The following BOD1 variants were observed in gnomAD, a reference collection of about 807,000 sequenced individuals.
The protein encoded by BOD1 is biorientation of chromosomes in cell division protein 1.
BOD1 carries 11 observed loss-of-function variants against 15.7 expected under a neutral mutation model. The observed-to-expected ratio is 0.70, with a 90% CI of 0.44 to 1.16. BOD1 has a LOEUF of 1.16. Among genes scored for constraint, BOD1 ranks in the 50% most tolerant of loss-of-function variants. BOD1 has a pLI of 0.00. For missense variants in BOD1, 182 were observed against 244.5 expected (o/e 0.74, Z 1.70); for synonymous variants, 105 against 103.5 (o/e 1.01, Z -0.09).
chr5:173,616,523 G>C lies in BOD1; in HGVS notation c.-87C>G. On this transcript the variant is annotated 5_prime_UTR_variant, in exon 1 of 4. Coordinates refer to ENST00000311086, the MANE Select transcript of BOD1 (RefSeq NM_138369.3). ...AGAACGTGTAGAGGTGGTGAAGGGG[G>C]CGGTGAAGGAGGAGGGCCCCAAGGC... 1 of 1,461,074 alleles carries C rather than the reference G, an allele frequency of 6.8e-7. No individual in the cohort carries two copies. Among genetic ancestry groups the C allele is most frequent in the African/African-American group, 1.5e-5 (1 of 67,916 alleles). 90.5% of individuals were successfully genotyped at this position (1,461,074 alleles called of 1,614,324 possible). A position where few individuals can be genotyped will look rare whatever the true frequency, so the allele number is the denominator to read the frequency against.
chr5:173,613,324 G>C, intron 1 of BOD1, 69 bp from the exon 2 acceptor site: 1 of 1,560,000 alleles, frequency 6.4e-7, no homozygotes, highest in Non-Finnish European at 8.8e-7. Flanking sequence ...TAGTCTCTCA[G>C]AACACTGCTT....
chr5:173,616,170 G>A (rs1755490937), intron 1 of BOD1, 30 bp downstream of exon 1: 2 of 1,561,570 alleles, frequency 1.3e-6, no homozygotes, highest in East Asian at 2.4e-5. Flanking sequence ...GTGCAGCCCC[G>A]CTCCCCAACG....
intron 2 of BOD1, among the ~76,000 whole-genome samples, chr5:173,610,822 G>A (rs1755329447): frequency 6.6e-6 from 1 of 152,164 alleles, no homozygotes; most frequent in South Asian, 2.1e-4. Context: ...CCTTTGGGAG[G>A]CGATCGGGTC....
chr5:173,609,189 T>C lies in BOD1; in HGVS notation c.*1+49A>G, dbSNP rs775793507. ...ACCCCATTCCTATCCATTTTACATA[T>C]CTACAAGCCAGAGATGCATACTCCT... On this transcript the variant is annotated intron_variant, in intron 3 of 3. Transcript: ENST00000311086. 8.1e-6 allele frequency: 12 copies of C among 1,473,428 alleles called. No individual in the cohort carries two copies. The East Asian group carries it at 2.5e-4, about 31-fold the overall frequency. 91.3% of individuals were successfully genotyped at this position (1,473,428 alleles called of 1,614,324 possible).
In BOD1 at chr5:173,616,409, T is replaced by C. The variant is rs1309964582; in HGVS notation, c.28A>G (p.Thr10Ala). Residue 10 changes from threonine to alanine, a missense_variant, in exon 1 of 4, where the codon ACT (threonine) becomes GCT (alanine). Physicochemically the swap from Thr to Ala is moderately conservative, Grantham distance 58. Transcript: ENST00000311086. MADGGGGGG[T>A]GAVGGGGTSQ... is the part of the protein sequence containing the mutation. ...GTTCCGCCGCCGCCCACCGCGCCAG[T>C]TCCCCCGCCGCCGCCGCCGTCCGCC... 3.9e-6 allele frequency: 6 copies of C among 1,535,352 alleles called. No homozygotes were observed. Among genetic ancestry groups the C allele is most frequent in the East Asian group, 2.5e-5 (1 of 39,438 alleles).
intron 1 of BOD1, 65 bp downstream of exon 1, chr5:173,616,135 C>T (rs1755489639): frequency 6.5e-7 from 1 of 1,537,748 alleles, no homozygotes; most frequent in East Asian, 2.5e-5. Flanking sequence ...TTTCGAAAAT[C>T]AAAGCTGCCA....
At chr5:173,609,007 T>C (rs1411102937) in intron 3 of BOD1, among the ~76,000 whole-genome samples, 1 of 152,250 alleles carries the variant, frequency 6.6e-6, no homozygotes, top group Non-Finnish European at 1.5e-5. Flanking sequence ...TAATGAAGCA[T>C]CTATCCATAG....
chr5:173,615,359 A>G (rs1159163113), intron 1 of BOD1, among the ~76,000 whole-genome samples: 12 of 152,226 alleles, frequency 7.9e-5, no homozygotes, highest in Non-Finnish European at 1.8e-4. Flanking sequence ...CCCTATCTTA[A>G]GGTCTAATTC....
chr5:173,610,764 TCC>T (rs1561724773), intron 2 of BOD1, among the ~76,000 whole-genome samples: 2 of 152,174 alleles, frequency 1.3e-5, no homozygotes, highest in Non-Finnish European at 2.9e-5. Context: ...CCCCCAGACT[TCC>T]TATGTTGAAA....
At chr5:173,608,519 C>G (rs1252074987) in intron 3 of BOD1, among the ~76,000 whole-genome samples, 1 of 152,182 alleles carries the variant, frequency 6.6e-6, no homozygotes, top group African/African-American at 2.4e-5. Context: ...ATTCACCTCA[C>G]TTACTGATTA....
Position 173,616,591 on chromosome 5 carries a change from G to A in BOD1, c.-155C>T. The A allele has an allele frequency of 3.7e-6, 5 of 1,350,418 alleles. No homozygotes were observed. Among genetic ancestry groups the A allele is most frequent in the Non-Finnish European group, 3.8e-6 (4 of 1,060,020 alleles). 83.7% of individuals were successfully genotyped at this position (1,350,418 alleles called of 1,614,324 possible). ...CGATGGCGGCAGGGGCGGTGGTGGG[G>A]GCGGCGGCGGCGAAGGCCCCCTCTG... On this transcript the variant is annotated 5_prime_UTR_variant, in exon 1 of 4. Coordinates refer to ENST00000311086, the MANE Select transcript of BOD1 (RefSeq NM_138369.3).
intron 1 of BOD1, 102 bp downstream of exon 1, chr5:173,616,098 T>TA: frequency 6.9e-7 from 1 of 1,442,852 alleles, no homozygotes; most frequent in Non-Finnish European, 9.4e-7. Flanking sequence ...CTGAGATTTC[T>TA]AAGCTATCTT....
chr5:173,608,499 G>A (rs372452786), intron 3 of BOD1, among the ~76,000 whole-genome samples: 3 of 152,180 alleles, frequency 2.0e-5, no homozygotes, highest in Admixed American at 6.5e-5. Flanking sequence ...CACTCAAAAC[G>A]CCCTAGTCAA....
chr5:173,607,658 C>T lies in BOD1; in HGVS notation c.*636G>A, dbSNP rs1340243766. On this transcript the variant is annotated 3_prime_UTR_variant, in exon 4 of 4. Transcript: ENST00000311086. ...CTCCAGGACAGGAAGCAGCCCTGGACAGAGAGCCTGCAAACGAGTTTCCTT... is the reference window on the plus strand; with the variant it reads ...CTCCAGGACAGGAAGCAGCCCTGGATAGAGAGCCTGCAAACGAGTTTCCTT... 6.6e-6 allele frequency: 1 copy of T among 152,502 alleles called. No individual in the cohort carries two copies. The highest frequency in any genetic ancestry group is 6.5e-5 in the Admixed American group (1 of 15,310). 9.4% of individuals were successfully genotyped at this position (152,502 alleles called of 1,614,324 possible).
chr5:173,612,659 G>A (rs1023531824), intron 2 of BOD1, among the ~76,000 whole-genome samples: 5 of 152,170 alleles, frequency 3.3e-5, no homozygotes, highest in African/African-American at 4.8e-5. Context: ...TGTGAAGTAC[G>A]ATACTTTATT....
intron 3 of BOD1, 29 bp downstream of exon 3, chr5:173,609,209 A>C: frequency 6.3e-7 from 1 of 1,576,828 alleles, no homozygotes; most frequent in Non-Finnish European, 8.6e-7. Context: ...AGAGATGCAT[A>C]CTCCTGGACA....
At position 173,609,436 on chromosome 5, in the gene BOD1, T is replaced by C; in HGVS notation, c.363-2A>G. On this transcript the variant is annotated splice_acceptor_variant, in intron 2 of 3. Coordinates refer to ENST00000311086, the MANE Select transcript of BOD1 (RefSeq NM_138369.3). LOFTEE classifies it high-confidence loss of function. The stretch of plus-strand genomic sequence containing the variant: ...ACTCCAGCTTCCAACATCCCTGACC[T>C]TGTGGAGACAAACAGATCATTCTGT... 8.1e-7 allele frequency: 1 copy of C among 1,240,636 alleles called. No homozygotes were observed. The allele number at this position is 1,240,636 out of a possible 1,614,324, so 76.9% of individuals were successfully genotyped here. A position where few individuals can be genotyped will look rare whatever the true frequency, so the allele number is the denominator to read the frequency against.
rs926746237 is a variant in BOD1 at position 173,616,584 on chromosome 5, T to C, written c.-148A>G. ...GAGGTGGCGATGGCGGCAGGGGCGG[T>C]GGTGGGGGCGGCGGCGGCGAAGGCC... On this transcript the variant is annotated 5_prime_UTR_variant, in exon 1 of 4. Transcript: ENST00000311086. 6 of 1,362,112 alleles carry C rather than the reference T, an allele frequency of 4.4e-6. No homozygotes were observed. Among genetic ancestry groups the C allele is most frequent in the African/African-American group, 1.6e-5 (1 of 64,342 alleles). The allele number at this position is 1,362,112 out of a possible 1,614,324, so 84.4% of individuals were successfully genotyped here. A position where few individuals can be genotyped will look rare whatever the true frequency, so the allele number is the denominator to read the frequency against.
At chr5:173,613,399 G>A (rs1003231237) in intron 1 of BOD1, 144 bp from the exon 2 acceptor site, 1 of 1,003,666 alleles carries the variant, frequency 1.0e-6, no homozygotes, top group Non-Finnish European at 1.5e-6. Flanking sequence ...ATGCAATGTG[G>A]CAGTCAGGAA....
Sources: gnomAD v4.1 joint callset for allele counts (sites outside exome capture counted in the v4.1 genomes callset) on GRCh38, gnomAD v4.1.1 for gene constraint, MANE v1.5 for transcripts, NCBI Gene and HGNC (gene_info 2026-07-23, HGNC 2026-07-21) for gene names.